The following PAM16 variants were observed in gnomAD, a reference collection of about 807,000 sequenced individuals.
PAM16 encodes the protein mitochondrial import inner membrane translocase subunit TIM16.
PAM16 carries 11 observed loss-of-function variants against 17.9 expected under a neutral mutation model. The observed-to-expected ratio is 0.62, with a 90% CI of 0.39 to 1.02. The LOEUF (loss-of-function observed/expected upper bound fraction) is 1.02, where lower values mean the gene tolerates loss of function less well. Ranked by LOEUF, PAM16 falls within the 50% of genes least tolerant of loss-of-function variation. The probability of loss-of-function intolerance (pLI) is 0.01; values close to 1 mark genes in which losing one functional copy is unlikely to be tolerated. For synonymous variants in PAM16, 72 were observed against 67.4 expected (o/e 1.07, Z -0.34); for missense variants, 199 against 165.4 (o/e 1.20, Z -1.11).
At chr16:4,345,131 G>A (rs533902112) in intron 1 of PAM16, among the ~76,000 whole-genome samples, 2 of 152,188 alleles carry the variant, frequency 1.3e-5, no homozygotes, top group South Asian at 4.1e-4. Flanking sequence ...AGCCGTAGAC[G>A]CAGGGGGGTG....
intron 1 of PAM16, 147 bp from the exon 2 acceptor site, chr16:4,343,438 G>A: frequency 1.4e-6 from 2 of 1,439,420 alleles, no homozygotes; most frequent in Non-Finnish European, 1.8e-6. Context: ...CCCCTCCAAA[G>A]CACCCTGAAT....
chr16:4,350,139 G>A (rs983334285), intron 1 of PAM16, among the ~76,000 whole-genome samples: 1 of 151,682 alleles, frequency 6.6e-6, no homozygotes, highest in African/African-American at 2.4e-5. Context: ...CTTTTTGAGA[G>A]AGTTTTGCCC....
At chr16:4,343,075 AC>A (rs1334116490) in intron 2 of PAM16, 131 bp downstream of exon 2, 23 of 1,199,490 alleles carry the variant, frequency 1.9e-5, no homozygotes, top group Non-Finnish European at 2.3e-5. Context: ...GTCTGGCATC[AC>A]CCCCCACCAT....
intron 1 of PAM16, 166 bp downstream of exon 1, chr16:4,351,057 GTGCCGCCGC>G (rs1052340018): frequency 3.5e-5 from 12 of 346,644 alleles, no homozygotes; most frequent in Non-Finnish European, 5.6e-5. Flanking sequence ...GAGGCCGCCG[GTGCCGCCGC>G]TGCCGGCCTC....
At chr16:4,343,178 G>A in intron 2 of PAM16, 29 bp downstream of exon 2, 1 of 1,612,224 alleles carries the variant, frequency 6.2e-7, no homozygotes, top group African/African-American at 1.3e-5. Flanking sequence ...GGAACTCCCA[G>A]CCCACAGGGG....
At chr16:4,349,901 G>T (rs1213310847) in intron 1 of PAM16, among the ~76,000 whole-genome samples, 4 of 152,154 alleles carry the variant, frequency 2.6e-5, no homozygotes, top group Admixed American at 2.0e-4. Context: ...GTAAAATAAG[G>T]ACAATGACAG....
At chr16:4,349,136 T>C (rs950588564) in intron 1 of PAM16, among the ~76,000 whole-genome samples, 10 of 151,814 alleles carry the variant, frequency 6.6e-5, no homozygotes, top group Non-Finnish European at 1.5e-4. Flanking sequence ...TTTGTATTTT[T>C]AGTAGAGACG....
At chr16:4,347,834 G>C (rs908977585) in intron 1 of PAM16, 7 of 152,240 alleles carry the variant, frequency 4.6e-5, no homozygotes, top group African/African-American at 1.4e-4. Flanking sequence ...GGCTGTCAGA[G>C]AGCAGCAGTC....
At chr16:4,341,626 G>T (rs1271104445) in intron 2 of PAM16, 122 bp from the exon 3 acceptor site, 6 of 1,440,152 alleles carry the variant, frequency 4.2e-6, no homozygotes, top group Non-Finnish European at 4.6e-6. Context: ...CAGGTGGCTA[G>T]GAGCTGCCTC....
At chr16:4,348,410 G>A (rs2053791014) in intron 1 of PAM16, 1 of 152,616 alleles carries the variant, frequency 6.6e-6, no homozygotes, top group African/African-American at 2.4e-5. Flanking sequence ...GGCATTCACA[G>A]CGCCTGGTCT....
intron 1 of PAM16, chr16:4,346,686 C>T (rs2053764524): frequency 6.6e-6 from 1 of 152,166 alleles, no homozygotes; most frequent in Admixed American, 6.5e-5. Flanking sequence ...CTCAACCTCT[C>T]TGAATCTTTT....
chr16:4,344,058 C>G (rs1405450264), intron 1 of PAM16: 1 of 397,806 alleles, frequency 2.5e-6, no homozygotes, highest in Non-Finnish European at 4.4e-6. Context: ...CTGTCACACA[C>G]CAGGCTGAAC....
At chr16:4,349,221 C>A (rs1596255993) in intron 1 of PAM16, among the ~76,000 whole-genome samples, 2 of 151,688 alleles carry the variant, frequency 1.3e-5, no homozygotes, top group Non-Finnish European at 2.9e-5. Context: ...CCCCAAAGTG[C>A]TGGGATTACA....
chr16:4,340,886 G>T (rs2053633582), intron 4 of PAM16, 34 bp downstream of exon 4: 1 of 1,612,434 alleles, frequency 6.2e-7, no homozygotes, highest in South Asian at 1.1e-5. Flanking sequence ...GGGGTCCCAT[G>T]ACTTCATTCC....
chr16:4,340,446 C>T (rs769239158), intron 4 of PAM16, 41 bp from the exon 5 acceptor site: 23 of 1,597,660 alleles, frequency 1.4e-5, no homozygotes, highest in Middle Eastern at 1.8e-4. Context: ...GCCAAGCCTC[C>T]GCCCCATACC....
chr16:4,340,773 C>A, intron 4 of PAM16, 147 bp downstream of exon 4: 4 of 1,065,694 alleles, frequency 3.8e-6, no homozygotes, highest in Middle Eastern at 2.7e-4. Flanking sequence ...GGGGGCCTCC[C>A]TGAGGCTGGG....
At position 4,343,221 on chromosome 16, in the gene PAM16, C is replaced by T. The variant is rs770759571; in HGVS notation, c.74G>A (p.Arg25Gln). 2.4e-5 allele frequency: 39 copies of T among 1,612,686 alleles called. No homozygotes were observed. The highest frequency in any genetic ancestry group is 4.5e-5 in the East Asian group (2 of 44,890). Reference protein sequence around the residue: ...VVGRAFARALRQEFAASRAAA... With the variant: ...VVGRAFARALQQEFAASRAAA... ...CCCATGCTTACCTGCAAACTCCTGC[C>T]GCAAGGCCCGTGCAAAGGCCCTGCC... is the stretch of plus-strand genomic sequence containing the variant. Residue 25 changes from arginine to glutamine, a missense_variant, in exon 2 of 5, where the codon CGG becomes CAG. Coordinates refer to ENST00000318059, the MANE Select transcript of PAM16 (RefSeq NM_016069.11).
chr16:4,342,944 T>A (rs1338201795), intron 2 of PAM16, among the ~76,000 whole-genome samples: 1 of 152,028 alleles, frequency 6.6e-6, no homozygotes, highest in Non-Finnish European at 1.5e-5. Flanking sequence ...GGCGACAGAG[T>A]GAGACTCCAT....
At chr16:4,349,541 C>T (rs2053813980) in intron 1 of PAM16, among the ~76,000 whole-genome samples, 1 of 152,120 alleles carries the variant, frequency 6.6e-6, no homozygotes, top group East Asian at 1.9e-4. Flanking sequence ...GAGCTGTGAT[C>T]GTACCACTGT....
Sources: gnomAD v4.1 joint callset for allele counts (sites outside exome capture counted in the v4.1 genomes callset) on GRCh38, gnomAD v4.1.1 for gene constraint, MANE v1.5 for transcripts, NCBI Gene and HGNC (gene_info 2026-07-23, HGNC 2026-07-21) for gene names.